NSUN3: variants seen among roughly 807,000 people sequenced by gnomAD.
NSUN3 encodes tRNA (cytosine(34)-C(5))-methyltransferase, mitochondrial.
In NSUN3, 24 loss-of-function variants were observed where a neutral mutation model predicts 36.8. That is an observed-to-expected ratio of 0.65 (90% CI 0.47 to 0.92). The LOEUF (loss-of-function observed/expected upper bound fraction) is 0.92. NSUN3 is among the 40% of genes least tolerant of loss of function. The probability of loss-of-function intolerance (pLI) is 0.00; values close to 1 mark genes in which losing one functional copy is unlikely to be tolerated. For missense variants in NSUN3, 381 were observed against 392.8 expected (o/e 0.97, Z 0.25); for synonymous variants, 146 against 145.2 (o/e 1.01, Z -0.04).
intron 5 of NSUN3, among the ~76,000 whole-genome samples, chr3:94,117,504 T>C (rs773798396): frequency 3.3e-5 from 5 of 152,192 alleles, no homozygotes; most frequent in Admixed American, 6.5e-5. Context: ...GTTTTGTTTT[T>C]AGCAGCTTCA....
chr3:94,111,121 C>T (rs959399573), intron 5 of NSUN3, among the ~76,000 whole-genome samples: 1 of 152,168 alleles, frequency 6.6e-6, no homozygotes, highest in Non-Finnish European at 1.5e-5. Flanking sequence ...AGTTACTGTA[C>T]TGAATACTGT....
At chr3:94,123,176 T>C (rs925444741) in intron 5 of NSUN3, among the ~76,000 whole-genome samples, 5 of 152,172 alleles carry the variant, frequency 3.3e-5, no homozygotes, top group Non-Finnish European at 5.9e-5. Flanking sequence ...GAGCTCCCTC[T>C]TTTTCCAGAC....
At chr3:94,120,516 T>A (rs938257634) in intron 5 of NSUN3, among the ~76,000 whole-genome samples, 6 of 152,188 alleles carry the variant, frequency 3.9e-5, no homozygotes, top group African/African-American at 1.4e-4. Context: ...TGGAATCATG[T>A]GATATTTCTT....
In NSUN3 at chr3:94,115,231, A is replaced by G. The variant is rs552317065; in HGVS notation, c.744-10980A>G. On this transcript the variant is annotated intron_variant, in intron 5 of 5. Coordinates refer to ENST00000314622, the MANE Select transcript of NSUN3 (RefSeq NM_022072.5). ...ATTAATTGAGTATTAAATGGTTACA[A>G]TGGACCAACTGCAGGATCGATGTTC... 2.4e-4 allele frequency among the ~76,000 whole-genome samples: 36 copies of G among 152,324 alleles called. No individual in the cohort carries two copies. The South Asian group carries it at 4.3e-3, about 18-fold the overall frequency.
intron 2 of NSUN3, among the ~76,000 whole-genome samples, chr3:94,074,293 T>C (rs982040954): frequency 6.6e-6 from 1 of 152,210 alleles, no homozygotes; most frequent in Non-Finnish European, 1.5e-5. Flanking sequence ...GGTTCTTTTT[T>C]GATTCCATAT....
chr3:94,081,700 G>A (rs2077269763), intron 2 of NSUN3: 1 of 152,048 alleles, frequency 6.6e-6, no homozygotes, highest in Non-Finnish European at 1.5e-5. Context: ...TAAACAATAA[G>A]CTTAAAAGGA....
At chr3:94,095,316 G>A (rs1032906873) in intron 5 of NSUN3, among the ~76,000 whole-genome samples, 162 bp downstream of exon 5, 2 of 152,038 alleles carry the variant, frequency 1.3e-5, no homozygotes, top group African/African-American at 4.8e-5. Context: ...CCCCTTTATC[G>A]CTCATACTGT....
intron 5 of NSUN3, among the ~76,000 whole-genome samples, chr3:94,101,434 C>T (rs909996377): frequency 6.6e-6 from 1 of 151,584 alleles, no homozygotes; most frequent in Admixed American, 6.6e-5. Flanking sequence ...ACATGAAAAA[C>T]TTATTGGAAG....
At chr3:94,101,212 C>T (rs910235953) in intron 5 of NSUN3, among the ~76,000 whole-genome samples, 2 of 151,964 alleles carry the variant, frequency 1.3e-5, no homozygotes, top group African/African-American at 2.4e-5. Flanking sequence ...AGGCTGGTCT[C>T]GAACTCCTGG....
chr3:94,088,420 G>A (rs2077301668), intron 3 of NSUN3, among the ~76,000 whole-genome samples: 1 of 152,074 alleles, frequency 6.6e-6, no homozygotes. Context: ...CTGAGGAACT[G>A]TGACTATCAC....
chr3:94,073,564 C>G (rs1220850655), intron 2 of NSUN3, among the ~76,000 whole-genome samples: 2 of 152,166 alleles, frequency 1.3e-5, no homozygotes, highest in Non-Finnish European at 1.5e-5. Context: ...TGATGATGAG[C>G]ATTTTTTCAT....
intron 2 of NSUN3, among the ~76,000 whole-genome samples, chr3:94,078,727 T>G (rs1260426956): frequency 6.6e-6 from 1 of 152,200 alleles, no homozygotes; most frequent in African/African-American, 2.4e-5. Flanking sequence ...TGGTTTAAAG[T>G]CTGTTTTATC....
intron 3 of NSUN3, among the ~76,000 whole-genome samples, chr3:94,093,442 G>C (rs908813005): frequency 6.6e-6 from 1 of 152,050 alleles, no homozygotes; most frequent in Non-Finnish European, 1.5e-5. Context: ...TTGTTGCCTT[G>C]GTAACCTGAC....
At chr3:94,124,162 T>C (rs1026494497) in intron 5 of NSUN3, among the ~76,000 whole-genome samples, 1 of 140,158 alleles carries the variant, frequency 7.1e-6, no homozygotes, top group Non-Finnish European at 1.5e-5. Flanking sequence ...TTTTTTTTTT[T>C]TTTTTTTTGA....
chr3:94,126,855 C>T lies in NSUN3; in HGVS notation c.*365C>T, dbSNP rs948605217. On this transcript the variant is annotated 3_prime_UTR_variant, in exon 6 of 6. Coordinates refer to ENST00000314622, the MANE Select transcript of NSUN3 (RefSeq NM_022072.5). ...ACCTTCAAAAATTCACATTTTCCAG[C>T]GCTCCGACCATTTTCCCGCTTATCA... is the stretch of plus-strand genomic sequence containing the variant. 12 of 164,022 alleles carry T rather than the reference C, an allele frequency of 7.3e-5. No individual in the cohort carries two copies. The highest frequency in any genetic ancestry group is 1.4e-4 in the Non-Finnish European group (11 of 75,884). 10.2% of individuals were successfully genotyped at this position (164,022 alleles called of 1,614,324 possible).
At chr3:94,090,503 A>G (rs1198656777) in intron 3 of NSUN3, among the ~76,000 whole-genome samples, 2 of 152,158 alleles carry the variant, frequency 1.3e-5, no homozygotes, top group South Asian at 2.1e-4. Flanking sequence ...CCATGCTTCA[A>G]TCAAGTCATC....
In NSUN3 at chr3:94,131,655, G is replaced by A. The variant is rs1289722386; in HGVS notation, c.*5165G>A. On this transcript the variant is annotated 3_prime_UTR_variant, in exon 6 of 6. Coordinates refer to ENST00000314622, the MANE Select transcript of NSUN3 (RefSeq NM_022072.5). Reference sequence around the variant, plus strand: ...AAGAATGGAAATTTGGAGCAGACTTGCAGTGTCAATTGTAAAGCAAAGAGT... The same window carrying A: ...AAGAATGGAAATTTGGAGCAGACTTACAGTGTCAATTGTAAAGCAAAGAGT... 1.3e-5 allele frequency among the ~76,000 whole-genome samples: 2 copies of A among 152,182 alleles called. No homozygotes were observed. Among genetic ancestry groups the A allele is most frequent in the Non-Finnish European group, 2.9e-5 (2 of 68,040 alleles).
At chr3:94,089,406 A>G (rs796593371) in intron 3 of NSUN3, among the ~76,000 whole-genome samples, 4 of 152,260 alleles carry the variant, frequency 2.6e-5, no homozygotes, top group African/African-American at 9.6e-5. Flanking sequence ...GGGAGAGGCA[A>G]TTTCCCAAAC....
intron 3 of NSUN3, 79 bp from the exon 4 acceptor site, chr3:94,094,061 C>T: frequency 9.7e-7 from 1 of 1,031,450 alleles, no homozygotes; most frequent in Non-Finnish European, 1.4e-6. Flanking sequence ...TAATTTCTTT[C>T]TGAAATTTAT....
Sources: allele counts gnomAD v4.1 joint callset (sites outside exome capture counted in the v4.1 genomes callset), GRCh38; gene constraint gnomAD v4.1.1; transcripts MANE v1.5; gene names NCBI Gene and HGNC (gene_info 2026-07-23, HGNC 2026-07-21).